The following MACROD2 variants were observed in gnomAD, a reference collection of about 807,000 sequenced individuals.
MACROD2 encodes the protein ADP-ribose glycohydrolase MACROD2.
Under a neutral mutation model 70.4 loss-of-function variants are expected in MACROD2, and 36 were observed. The observed-to-expected ratio is 0.51, with a 90% CI of 0.39 to 0.68. The LOEUF is 0.68. MACROD2 is among the 30% of genes least tolerant of loss of function. The pLI is 0.00. For missense variants in MACROD2, 496 were observed against 538.4 expected, an observed-to-expected ratio of 0.92 and a Z score of 0.78; for synonymous variants, 172 against 178.8, an observed-to-expected ratio of 0.96 and a Z score of 0.30.
At chr20:15,687,727 T>C (rs747466076) in intron 8 of MACROD2, among the ~76,000 whole-genome samples, 4 of 152,152 alleles carry the variant, frequency 2.6e-5, no homozygotes, top group Non-Finnish European at 5.9e-5. Flanking sequence ...GCAATTGCCC[T>C]GGACTCACTG....
At chr20:15,628,464 G>C (rs2049239365) in intron 8 of MACROD2, among the ~76,000 whole-genome samples, 1 of 152,222 alleles carries the variant, frequency 6.6e-6, no homozygotes, top group South Asian at 2.1e-4. Flanking sequence ...AGAGGGAAAA[G>C]GATGAGTGTG....
chr20:15,021,107 TGTATGTGTATACAC>T (rs2075167981), intron 5 of MACROD2, among the ~76,000 whole-genome samples: 1 of 124,562 alleles, frequency 8.0e-6, no homozygotes, highest in African/African-American at 3.3e-5. Context: ...TGTATACACG[TGTATGTGTATACAC>T]GTGTGTATAC....
At chr20:14,289,418 T>C (rs2082368562) in intron 3 of MACROD2, among the ~76,000 whole-genome samples, 1 of 152,222 alleles carries the variant, frequency 6.6e-6, no homozygotes, top group Non-Finnish European at 1.5e-5. Context: ...AAACAGATGC[T>C]TGCTTTCTCA....
At chr20:15,100,155 T>A (rs2075861387) in intron 5 of MACROD2, among the ~76,000 whole-genome samples, 1 of 151,908 alleles carries the variant, frequency 6.6e-6, no homozygotes, top group Non-Finnish European at 1.5e-5. Context: ...CAGGTTGGTC[T>A]TGAACTCCTG....
intron 2 of MACROD2, among the ~76,000 whole-genome samples, chr20:14,027,800 G>A (rs142404640): frequency 0.014 from 2,202 of 152,248 alleles, 49 homozygotes; most frequent in African/African-American, 0.049. Context: ...GTCCCAGAAG[G>A]GCACCTGCCA....
At chr20:14,701,012 A>G (rs762467780) in intron 5 of MACROD2, among the ~76,000 whole-genome samples, 12 of 152,146 alleles carry the variant, frequency 7.9e-5, no homozygotes, top group Admixed American at 2.0e-4. Flanking sequence ...TTTCCCTTCT[A>G]TGAGGGAATT....
At chr20:15,136,682 C>A (rs1255006867) in intron 5 of MACROD2, among the ~76,000 whole-genome samples, 1 of 151,686 alleles carries the variant, frequency 6.6e-6, no homozygotes, top group Non-Finnish European at 1.5e-5. Flanking sequence ...ACACCAAAAG[C>A]AATGGCAACA....
intron 4 of MACROD2, among the ~76,000 whole-genome samples, chr20:14,542,687 G>A (rs907285363): frequency 2.6e-5 from 4 of 152,162 alleles, no homozygotes; most frequent in Admixed American, 2.6e-4. Flanking sequence ...TTAAACAATG[G>A]ATTGAAGGAT....
intron 8 of MACROD2, among the ~76,000 whole-genome samples, chr20:15,772,095 AAAAAAAATATAT>A (rs1204607734): frequency 3.2e-5 from 3 of 94,296 alleles, no homozygotes; most frequent in African/African-American, 1.5e-4. Flanking sequence ...AAAAAAAAAA[AAAAAAAATATAT>A]ATATATATAT....
chr20:14,237,842 G>T (rs1477299307), intron 3 of MACROD2, among the ~76,000 whole-genome samples: 1 of 151,950 alleles, frequency 6.6e-6, no homozygotes, highest in Admixed American at 6.6e-5. Flanking sequence ...ATGGTTTCCA[G>T]CTTCATCCAT....
intron 8 of MACROD2, among the ~76,000 whole-genome samples, chr20:15,714,700 T>C (rs1048026039): frequency 6.6e-6 from 1 of 152,174 alleles, no homozygotes; most frequent in Non-Finnish European, 1.5e-5. Context: ...TTGTGCCATA[T>C]ACTTTTTAAA....
chr20:15,447,190 G>A (rs532228038), intron 7 of MACROD2, among the ~76,000 whole-genome samples: 66 of 152,180 alleles, frequency 4.3e-4, no homozygotes, highest in Admixed American at 2.8e-3. Flanking sequence ...AGGAATTGTG[G>A]TGAGCATGGG....
chr20:15,945,774 CCCAAA>C (rs1234553763), intron 12 of MACROD2, among the ~76,000 whole-genome samples: 1 of 152,142 alleles, frequency 6.6e-6, no homozygotes, highest in Non-Finnish European at 1.5e-5. Flanking sequence ...GGATCAGTTT[CCCAAA>C]AGCTAGAACC....
chr20:15,998,564 C>CTT (rs34750465), intron 15 of MACROD2, among the ~76,000 whole-genome samples: 19 of 117,538 alleles, frequency 1.6e-4, no homozygotes, highest in South Asian at 9.0e-4. Flanking sequence ...TGAGTTCTCT[C>CTT]TTTTTTTTTT....
Position 16,049,936 on chromosome 20 carries a change from C to A in MACROD2, c.*60C>A. 1 of 525,664 alleles carries A rather than the reference C, an allele frequency of 1.9e-6. No homozygotes were observed. The highest frequency in any genetic ancestry group is 3.2e-6 in the Non-Finnish European group (1 of 316,560). The allele number at this position is 525,664 out of a possible 1,614,324, so 32.6% of individuals were successfully genotyped here. Reference sequence around the variant, plus strand: ...GGGGGAGCTCGGGAAGATAGCAGCACACGCTGTGGAGGAGGGTGGGGGTGG... The same window carrying A: ...GGGGGAGCTCGGGAAGATAGCAGCAAACGCTGTGGAGGAGGGTGGGGGTGG... On this transcript the variant is annotated 3_prime_UTR_variant, in exon 18 of 18. Coordinates refer to ENST00000684519, the MANE Select transcript of MACROD2 (RefSeq NM_001351661.2).
chr20:14,035,680 G>C lies in MACROD2; in HGVS notation c.163+33276G>C, dbSNP rs140507395. Among the ~76,000 whole-genome samples the C allele has an allele frequency of 7.7e-3, 1,172 of 152,290 alleles. 14 individuals are homozygous for C. The highest frequency in any genetic ancestry group is 0.026 in the African/African-American group (1,090 of 41,566). On this transcript the variant is annotated intron_variant, in intron 2 of 17. Transcript: ENST00000684519. ...TTGTTCTGAATTTTTCAGAATGGCT[G>C]ATCTGAATAATAACGTATATGGTTC...
intron 5 of MACROD2, among the ~76,000 whole-genome samples, chr20:14,935,934 C>T (rs1203865854): frequency 6.6e-6 from 1 of 152,106 alleles, no homozygotes; most frequent in Non-Finnish European, 1.5e-5. Flanking sequence ...TCCATCAAAC[C>T]TATTCACCCA....
intron 5 of MACROD2, among the ~76,000 whole-genome samples, chr20:15,157,790 T>A (rs999087737): frequency 6.6e-6 from 1 of 152,112 alleles, no homozygotes; most frequent in Admixed American, 6.5e-5. Flanking sequence ...TTATTGTACC[T>A]GCAGATGCTG....
chr20:14,488,128 T>C (rs976706864), intron 3 of MACROD2, among the ~76,000 whole-genome samples: 2 of 152,256 alleles, frequency 1.3e-5, no homozygotes, highest in African/African-American at 4.8e-5. Flanking sequence ...ATCTTTCATT[T>C]CTTAAATTGA....
Sources: allele counts gnomAD v4.1 joint callset (sites outside exome capture counted in the v4.1 genomes callset), GRCh38; gene constraint gnomAD v4.1.1; transcripts MANE v1.5; gene names NCBI Gene and HGNC (gene_info 2026-07-23, HGNC 2026-07-21).